Variants in REC114 observed in about 807,000 individuals in gnomAD.
REC114 encodes meiotic recombination protein REC114.
A neutral mutation model predicts 31.3 loss-of-function variants in REC114; 27 were observed. The observed-to-expected ratio is 0.86, with a 90% CI of 0.64 to 1.19. The LOEUF (loss-of-function observed/expected upper bound fraction) is 1.19, where lower values mean the gene tolerates loss of function less well. REC114 is among the 50% of genes most tolerant of loss of function. The probability of loss-of-function intolerance (pLI) is 0.00; values close to 1 mark genes in which losing one functional copy is unlikely to be tolerated. For missense variants in REC114, 344 were observed against 326.9 expected, an observed-to-expected ratio of 1.05 and a Z score of -0.40; for synonymous variants, 134 against 127.7, an observed-to-expected ratio of 1.05 and a Z score of -0.33.
chr15:73,485,283 C>T (rs753520155), intron 2 of REC114, among the ~76,000 whole-genome samples: 13 of 152,106 alleles, frequency 8.5e-5, no homozygotes, highest in East Asian at 3.9e-4. Context: ...AGGGTTTCAC[C>T]GTGTTGGCCA....
At chr15:73,469,876 G>A (rs1047695012) in intron 1 of REC114, among the ~76,000 whole-genome samples, 13 of 151,936 alleles carry the variant, frequency 8.6e-5, no homozygotes, top group Non-Finnish European at 1.6e-4. Context: ...AGTAGAGATG[G>A]GGTTTCACTG....
intron 2 of REC114, among the ~76,000 whole-genome samples, chr15:73,527,895 A>T (rs1894027877): frequency 1.3e-5 from 2 of 152,150 alleles, no homozygotes; most frequent in Non-Finnish European, 2.9e-5. Context: ...GGGGGAAAAA[A>T]AGGCATTTCA....
intron 1 of REC114, among the ~76,000 whole-genome samples, chr15:73,464,819 ACTAG>A (rs1023055145): frequency 9.2e-5 from 14 of 152,134 alleles, no homozygotes; most frequent in Middle Eastern, 3.4e-3. Flanking sequence ...AAAACGTCCT[ACTAG>A]CTCTTTTTTT....
intron 1 of REC114, 108 bp from the exon 2 acceptor site, chr15:73,473,724 C>T (rs1343950037): frequency 1.9e-5 from 12 of 621,062 alleles, no homozygotes; most frequent in Admixed American, 1.3e-4. Flanking sequence ...AGAGAATGCT[C>T]GGAGTAAAAA....
chr15:73,463,220 C>CA (rs1893014584), intron 1 of REC114, among the ~76,000 whole-genome samples: 1 of 152,076 alleles, frequency 6.6e-6, no homozygotes, highest in Non-Finnish European at 1.5e-5. Flanking sequence ...GACCTCACCT[C>CA]TCTCTCTTCC....
intron 2 of REC114, among the ~76,000 whole-genome samples, chr15:73,528,108 A>C (rs1894030418): frequency 6.6e-6 from 1 of 152,182 alleles, no homozygotes; most frequent in African/African-American, 2.4e-5. Flanking sequence ...CTAGAGAACC[A>C]CCTCATTATT....
intron 2 of REC114, among the ~76,000 whole-genome samples, chr15:73,492,675 A>G (rs942538863): frequency 4.6e-5 from 7 of 152,340 alleles, no homozygotes; most frequent in Admixed American, 4.6e-4. Context: ...CTATGAACAC[A>G]CTTTGAGGGA....
intron 1 of REC114, among the ~76,000 whole-genome samples, chr15:73,456,495 C>T (rs913605918): frequency 1.3e-4 from 20 of 152,238 alleles, no homozygotes; most frequent in African/African-American, 4.8e-4. Context: ...TGGATCTTCT[C>T]AACAGTGTTC....
intron 2 of REC114, among the ~76,000 whole-genome samples, chr15:73,535,835 TC>T (rs1394088202): frequency 6.6e-6 from 1 of 151,674 alleles, no homozygotes; most frequent in Non-Finnish European, 1.5e-5. Flanking sequence ...GAGATATAGA[TC>T]AATGGAACAG....
chr15:73,452,473 G>T lies in REC114; in HGVS notation c.159+9129G>T, dbSNP rs557744284. On this transcript the variant is annotated intron_variant, in intron 1 of 5. Transcript: ENST00000331090. ...AGGAGAACTACAAACCACGGCTCAA[G>T]GCAATAAGAGAGGACAAAAACAAAT... Among the ~76,000 whole-genome samples the T allele has an allele frequency of 2.0e-4, 31 of 152,196 alleles. 2 individuals carry two copies. In the South Asian group the frequency reaches 6.4e-3, roughly 32 times the overall value.
At chr15:73,473,745 A>G in intron 1 of REC114, 87 bp from the exon 2 acceptor site, 1 of 716,860 alleles carries the variant, frequency 1.4e-6, no homozygotes, top group Non-Finnish European at 2.3e-6. Context: ...GATCAATATG[A>G]GAAAACACTT....
At chr15:73,517,453 G>A (rs1168375083) in intron 2 of REC114, among the ~76,000 whole-genome samples, 1 of 152,162 alleles carries the variant, frequency 6.6e-6, no homozygotes, top group Non-Finnish European at 1.5e-5. Flanking sequence ...GACTACAATG[G>A]AATAGATTTA....
chr15:73,556,288 T>C lies in REC114; in HGVS notation c.547-14T>C. On this transcript the variant is annotated splice_polypyrimidine_tract_variant and intron_variant, in intron 4 of 5. Coordinates refer to ENST00000331090, the MANE Select transcript of REC114 (RefSeq NM_001042367.2). ...ATTCAGCTAGTCTCCTTATTGCATG[T>C]TGTTTTATTCCAGTCCCACCAGCAC... 3 of 1,609,266 alleles carry C rather than the reference T, an allele frequency of 1.9e-6. No homozygotes were observed. The South Asian group carries it at 3.3e-5, about 18-fold the overall frequency.
intron 1 of REC114, among the ~76,000 whole-genome samples, chr15:73,456,167 A>G (rs1892912618): frequency 6.6e-6 from 1 of 152,142 alleles, no homozygotes; most frequent in Admixed American, 6.5e-5. Flanking sequence ...ATAATAACAG[A>G]TTGGTCCATT....
At position 73,486,646 on chromosome 15, in the gene REC114, G is replaced by A. The variant is rs374203859; in HGVS notation, c.249+12725G>A. Among the ~76,000 whole-genome samples the A allele has an allele frequency of 8.3e-4, 127 of 152,286 alleles. No individual in the cohort carries two copies. The East Asian group carries it at 0.011, about 13-fold the overall frequency. On this transcript the variant is annotated intron_variant, in intron 2 of 5. Transcript: ENST00000331090. ...GAAGTCTGAGGTGCCAGCAGGATTC[G>A]TGTCTGAGGTATCTCTACTTCCAAA...
chr15:73,511,172 G>A (rs1405639099), intron 2 of REC114, among the ~76,000 whole-genome samples: 1 of 152,118 alleles, frequency 6.6e-6, no homozygotes, highest in African/African-American at 2.4e-5. Flanking sequence ...TTAGTCTTGG[G>A]AGAGTGTATG....
chr15:73,470,608 A>C (rs1273241481), intron 1 of REC114, among the ~76,000 whole-genome samples: 2 of 152,180 alleles, frequency 1.3e-5, no homozygotes, highest in Non-Finnish European at 2.9e-5. Flanking sequence ...ACAGTGTCCA[A>C]AACGGGGAAA....
At chr15:73,448,206 C>G (rs565426462) in intron 1 of REC114, among the ~76,000 whole-genome samples, 8 of 152,032 alleles carry the variant, frequency 5.3e-5, no homozygotes, top group Admixed American at 2.6e-4. Context: ...TCTGGCTCAG[C>G]GGGTCCCACC....
At chr15:73,461,895 T>G (rs867646990) in intron 1 of REC114, among the ~76,000 whole-genome samples, 1 of 150,786 alleles carries the variant, frequency 6.6e-6, no homozygotes, top group Non-Finnish European at 1.5e-5. Context: ...TCATTAGAGA[T>G]AACATTTTTC....
Sources: allele counts gnomAD v4.1 joint callset (sites outside exome capture counted in the v4.1 genomes callset), GRCh38; gene constraint gnomAD v4.1.1; transcripts MANE v1.5; gene names NCBI Gene and HGNC (gene_info 2026-07-23, HGNC 2026-07-21).